AGAP1: variants seen among roughly 807,000 people sequenced by gnomAD.
AGAP1 encodes arf-GAP with GTPase, ANK repeat and PH domain-containing protein 1.
AGAP1 carries 29 observed loss-of-function variants against 105.3 expected under a neutral mutation model. The ratio of observed to expected loss-of-function variants is 0.28; its 90% CI spans 0.21 to 0.38. The LOEUF (loss-of-function observed/expected upper bound fraction) is 0.38, where lower values mean the gene tolerates loss of function less well. Ranked by LOEUF, AGAP1 falls within the 10% of genes least tolerant of loss-of-function variation. AGAP1 has a pLI of 1.00. For missense variants in AGAP1, 998 were observed against 1,165.1 expected (o/e 0.86, Z 2.09); for synonymous variants, 509 against 485.9 (o/e 1.05, Z -0.63).
chr2:235,587,906 C>T (rs79529175), intron 1 of AGAP1, among the ~76,000 whole-genome samples: 4 of 152,060 alleles, frequency 2.6e-5, no homozygotes, highest in South Asian at 2.1e-4. Context: ...TTCCCATGAA[C>T]GGAAGGGAAG....
chr2:235,605,839 CCT>C lies in AGAP1; in HGVS notation c.164-103339_164-103338del, dbSNP rs745696744. On this transcript the variant is annotated intron_variant, in intron 1 of 17. Coordinates refer to ENST00000304032, the MANE Select transcript of AGAP1 (RefSeq NM_001037131.3). ...TGAGTATAGAGGACGCGGTGTACGC[CCT>C]GTGTTGCCATGGCAACGCAGGCATG... Among the ~76,000 whole-genome samples, 25 of 152,290 alleles carry C rather than the reference CCT, an allele frequency of 1.6e-4. 1 individual carries two copies. Among genetic ancestry groups the C allele is most frequent in the Non-Finnish European group, 1.2e-4 (8 of 68,038 alleles).
intron 1 of AGAP1, among the ~76,000 whole-genome samples, chr2:235,537,631 C>T (rs13430993): frequency 0.024 from 3,620 of 152,300 alleles, 153 homozygotes; most frequent in African/African-American, 0.082. Context: ...TTTGTTTCTT[C>T]TTATTACTAT....
At chr2:235,786,891 G>A (rs1361947629) in intron 6 of AGAP1, among the ~76,000 whole-genome samples, 2 of 152,144 alleles carry the variant, frequency 1.3e-5, no homozygotes, top group Non-Finnish European at 2.9e-5. Context: ...TCCGTCCATT[G>A]GTCCTCCTGG....
rs1049095729 is a variant in AGAP1, at chr2:235,874,421, G to A, written c.1051-8924G>A. Among the ~76,000 whole-genome samples the A allele has an allele frequency of 2.6e-5, 4 of 152,326 alleles. No homozygotes were observed. Among genetic ancestry groups the A allele is most frequent in the East Asian group, 1.9e-4 (1 of 5,178 alleles). On this transcript the variant is annotated intron_variant, in intron 9 of 17. Transcript: ENST00000304032. This position sits in a 1 kb window ranked among gnomAD's most constrained non-coding sequence, Gnocchi z 4.5. ...GAAGGAAGTTGGCTTAACTGGGGGCGCTGCAGCAGCTTCTCAGACATGGCT... is the reference window on the plus strand; with the variant it reads ...GAAGGAAGTTGGCTTAACTGGGGGCACTGCAGCAGCTTCTCAGACATGGCT...
chr2:236,122,579 A>T (rs750063374), intron 17 of AGAP1, among the ~76,000 whole-genome samples: 1 of 151,932 alleles, frequency 6.6e-6, no homozygotes, highest in Non-Finnish European at 1.5e-5. Flanking sequence ...CTTTAACCTC[A>T]TATTTTCCCC....
chr2:235,542,418 G>A (rs1201567144), intron 1 of AGAP1, among the ~76,000 whole-genome samples: 1 of 152,220 alleles, frequency 6.6e-6, no homozygotes, highest in African/African-American at 2.4e-5. Context: ...GCTTCAGACA[G>A]CGCCATCTCT....
rs927280749 is a variant in AGAP1 at position 235,959,991 on chromosome 2, C to T, written c.1484-8471C>T. On this transcript the variant is annotated intron_variant, in intron 12 of 17. Transcript: ENST00000304032. The surrounding 1 kb of genome is among the most constrained non-coding windows in gnomAD (Gnocchi z 7.3). The stretch of plus-strand genomic sequence containing the variant: ...AAAGTTGGAGTAAAATGTCCAGGGC[C>T]TGGGCTATGGAGTGTTGGAGCATTG... Among the ~76,000 whole-genome samples, 1 of 152,218 alleles carries T rather than the reference C, an allele frequency of 6.6e-6. No homozygotes were observed. The highest frequency in any genetic ancestry group is 1.5e-5 in the Non-Finnish European group (1 of 68,036).
rs201402779 is a variant in AGAP1 at position 235,823,763 on chromosome 2, G to GT, written c.1050+16439dup. 5.8e-3 allele frequency among the ~76,000 whole-genome samples: 882 copies of GT among 152,210 alleles called. 5 individuals are homozygous for GT. Among genetic ancestry groups the GT allele is most frequent in the African/African-American group, 0.02 (812 of 41,530 alleles). ...CTTTAAGCTTCATGCTGTTTTATCT[G>GT]TTTTTTTAAATATGCAAGGGAATAG... is the stretch of plus-strand genomic sequence containing the variant. On this transcript the variant is annotated intron_variant, in intron 9 of 17. Transcript: ENST00000304032.
Position 235,981,866 on chromosome 2 carries a change from C to A in AGAP1, c.1645+13243C>A, listed in dbSNP as rs1282409790. 6.6e-6 allele frequency among the ~76,000 whole-genome samples: 1 copy of A among 152,212 alleles called. No homozygotes were observed. The highest frequency in any genetic ancestry group is 1.5e-5 in the Non-Finnish European group (1 of 68,036). ...TAACACATCTCCACGGTGACCTTCC[C>A]TTCCCTTGGAAGGGGGCGCTTGTCT... On this transcript the variant is annotated intron_variant, in intron 13 of 17. Transcript: ENST00000304032. The surrounding 1 kb of genome is among the most constrained non-coding windows in gnomAD (Gnocchi z 5.5).
At chr2:235,947,780 G>T (rs2053562771) in intron 12 of AGAP1, among the ~76,000 whole-genome samples, 1 of 152,230 alleles carries the variant, frequency 6.6e-6, no homozygotes, top group South Asian at 2.1e-4. Context: ...AGAATGAGCA[G>T]TTGAACGTTA....
rs938646922 is a variant in AGAP1 at position 235,502,549 on chromosome 2, C to G, written c.163+7700C>G. Among the ~76,000 whole-genome samples, 7 of 152,156 alleles carry G rather than the reference C, an allele frequency of 4.6e-5. 1 individual carries two copies. The highest frequency in any genetic ancestry group is 1.2e-4 in the African/African-American group (5 of 41,438). On this transcript the variant is annotated intron_variant, in intron 1 of 17. Transcript: ENST00000304032. ...CAGGGGCTCATTTGCAAATTTCACA[C>G]TTCTCCCGCTGTTTGATGGGGATTG...
intron 1 of AGAP1, among the ~76,000 whole-genome samples, chr2:235,554,849 T>C (rs1010740025): frequency 3.9e-5 from 6 of 152,144 alleles, no homozygotes; most frequent in Non-Finnish European, 5.9e-5. Context: ...TTTGTGTTTT[T>C]AGTGGAGACA....
chr2:235,680,276 T>C (rs1368176256), intron 1 of AGAP1, among the ~76,000 whole-genome samples: 1 of 152,226 alleles, frequency 6.6e-6, no homozygotes, highest in East Asian at 1.9e-4. Flanking sequence ...AATTCAAGGA[T>C]GTTGGGCCAG....
chr2:235,501,618 T>G (rs1431418877), intron 1 of AGAP1, among the ~76,000 whole-genome samples: 2 of 152,126 alleles, frequency 1.3e-5, no homozygotes, highest in African/African-American at 4.8e-5. Context: ...AACCAGGCGT[T>G]TTATTTTGTT....
At chr2:235,813,518 A>G (rs894617656) in intron 9 of AGAP1, among the ~76,000 whole-genome samples, 1 of 152,196 alleles carries the variant, frequency 6.6e-6, no homozygotes, top group African/African-American at 2.4e-5. Context: ...AGGGCATGTG[A>G]TGGGCTGTGG....
chr2:235,562,394 C>T (rs557417478), intron 1 of AGAP1, among the ~76,000 whole-genome samples: 57 of 152,120 alleles, frequency 3.7e-4, no homozygotes, highest in Admixed American at 3.0e-3. Context: ...CCCGAAGCCC[C>T]CTCCCTCTTG....
intron 1 of AGAP1, among the ~76,000 whole-genome samples, chr2:235,576,510 C>T (rs1944738712): frequency 6.6e-6 from 1 of 152,162 alleles, no homozygotes; most frequent in Non-Finnish European, 1.5e-5. Flanking sequence ...GGAAGCATTG[C>T]CTGATTTTAA....
At chr2:235,785,582 C>T (rs1956576519) in intron 6 of AGAP1, among the ~76,000 whole-genome samples, 1 of 151,966 alleles carries the variant, frequency 6.6e-6, no homozygotes, top group Non-Finnish European at 1.5e-5. Context: ...AATAATTTAG[C>T]ATAATCTATT....
chr2:235,853,295 GACTC>G, intron 9 of AGAP1: 1 of 883,840 alleles, frequency 1.1e-6, no homozygotes, highest in Non-Finnish European at 1.4e-6. Flanking sequence ...TGAAATATCT[GACTC>G]AGGCAGGTTG....
Sources: gnomAD v4.1 joint callset for allele counts (sites outside exome capture counted in the v4.1 genomes callset) on GRCh38, gnomAD v4.1.1 for gene constraint, Gnocchi (gnomAD v3.1) non-coding constraint, MANE v1.5 for transcripts, NCBI Gene and HGNC (gene_info 2026-07-23, HGNC 2026-07-21) for gene names.